The following MAGI2 variants were observed in gnomAD, a reference collection of about 807,000 sequenced individuals.
The protein encoded by MAGI2 is membrane-associated guanylate kinase, WW and PDZ domain-containing protein 2.
Under a neutral mutation model 133.3 loss-of-function variants are expected in MAGI2, and 35 were observed. That is an observed-to-expected ratio of 0.26 (90% CI 0.20 to 0.35). MAGI2 has a LOEUF of 0.35. Ranked by LOEUF, MAGI2 falls within the 10% of genes least tolerant of loss-of-function variation. MAGI2 has a pLI of 1.00. For missense variants in MAGI2, 1,636 were observed against 1,863.4 expected (o/e 0.88, Z 2.25); for synonymous variants, 729 against 710.6 (o/e 1.03, Z -0.41).
At chr7:79,117,423 C>CA (rs1293512138) in intron 1 of MAGI2, among the ~76,000 whole-genome samples, 1 of 152,088 alleles carries the variant, frequency 6.6e-6, no homozygotes, top group Non-Finnish European at 1.5e-5. Flanking sequence ...GGCATGTGAT[C>CA]AAAATCATAA....
intron 6 of MAGI2, among the ~76,000 whole-genome samples, chr7:78,467,692 T>C (rs952538099): frequency 7.2e-5 from 11 of 152,034 alleles, no homozygotes; most frequent in African/African-American, 2.7e-4. Flanking sequence ...TGAGCTGATA[T>C]TTGAAAAAAC....
At chr7:78,842,061 A>C (rs561069001) in intron 2 of MAGI2, among the ~76,000 whole-genome samples, 73 of 152,126 alleles carry the variant, frequency 4.8e-4, no homozygotes, top group African/African-American at 1.7e-3. Context: ...AAAATCATTC[A>C]GGCATTCAAC....
intron 1 of MAGI2, among the ~76,000 whole-genome samples, chr7:79,398,744 T>TA (rs1441307160): frequency 6.6e-6 from 1 of 152,220 alleles, no homozygotes; most frequent in Non-Finnish European, 1.5e-5. Flanking sequence ...TTAGTTCATT[T>TA]AAACTGTCAA....
chr7:79,289,502 C>G (rs1324434958), intron 1 of MAGI2, among the ~76,000 whole-genome samples: 1 of 152,124 alleles, frequency 6.6e-6, no homozygotes, highest in Admixed American at 6.6e-5. Context: ...ACAGATGAGG[C>G]ACTCATACAA....
intron 16 of MAGI2, among the ~76,000 whole-genome samples, chr7:78,139,113 A>G (rs1053569926): frequency 6.6e-6 from 1 of 152,248 alleles, no homozygotes; most frequent in Non-Finnish European, 1.5e-5. Flanking sequence ...AAAAGAATGA[A>G]AACTGAAATA....
intron 1 of MAGI2, chr7:79,353,456 A>G: frequency 2.2e-6 from 1 of 456,212 alleles, no homozygotes; most frequent in Non-Finnish European, 4.4e-6. Flanking sequence ...TTGGAACCCC[A>G]GGACAATCCT....
At chr7:78,653,181 T>C (rs1330725604) in intron 2 of MAGI2, among the ~76,000 whole-genome samples, 11 of 152,142 alleles carry the variant, frequency 7.2e-5, no homozygotes, top group African/African-American at 2.4e-4. Context: ...TTTTACACTG[T>C]TGGTGGGAGT....
At chr7:78,162,653 T>C (rs1488746439) in intron 15 of MAGI2, among the ~76,000 whole-genome samples, 21 of 152,176 alleles carry the variant, frequency 1.4e-4, no homozygotes, top group Admixed American at 1.4e-3. Flanking sequence ...GAGGATTCCC[T>C]GGGTAAGTCA....
chr7:78,595,365 A>G (rs966336894), intron 3 of MAGI2, among the ~76,000 whole-genome samples: 1 of 152,210 alleles, frequency 6.6e-6, no homozygotes, highest in African/African-American at 2.4e-5. Context: ...AATTAGGTTC[A>G]AGAAATTGTA....
intron 10 of MAGI2, among the ~76,000 whole-genome samples, chr7:78,202,921 GT>G (rs1165087173): frequency 2.6e-5 from 4 of 152,116 alleles, no homozygotes; most frequent in Non-Finnish European, 4.4e-5. Flanking sequence ...TTTGGAAAGA[GT>G]TGACAGTAAA....
intron 2 of MAGI2, among the ~76,000 whole-genome samples, chr7:78,960,467 T>G (rs893031738): frequency 6.6e-6 from 1 of 152,054 alleles, no homozygotes; most frequent in Non-Finnish European, 1.5e-5. Flanking sequence ...TTCTACTCCC[T>G]AAGGAGTGAG....
At chr7:78,567,638 C>T (rs1232868787) in intron 3 of MAGI2, among the ~76,000 whole-genome samples, 1 of 152,116 alleles carries the variant, frequency 6.6e-6, no homozygotes, top group Non-Finnish European at 1.5e-5. Flanking sequence ...CTCTCTCTCC[C>T]CTACTCAATA....
chr7:78,597,252 C>A (rs938140126), intron 3 of MAGI2, among the ~76,000 whole-genome samples: 2 of 151,880 alleles, frequency 1.3e-5, no homozygotes, highest in Non-Finnish European at 2.9e-5. Flanking sequence ...TGAGCATATT[C>A]CAATTTGAGA....
At chr7:79,136,330 G>T (rs1821571140) in intron 1 of MAGI2, among the ~76,000 whole-genome samples, 1 of 152,164 alleles carries the variant, frequency 6.6e-6, no homozygotes, top group South Asian at 2.1e-4. Context: ...TTCTGTCTTT[G>T]ATACACTGGG....
chr7:79,157,972 G>GTGTGTC lies in MAGI2; in HGVS notation c.302-150767_302-150766insGACACA, dbSNP rs1384745090. Among the ~76,000 whole-genome samples, 472 of 145,952 alleles carry GTGTGTC rather than the reference G, an allele frequency of 3.2e-3. 2 individuals carry two copies. The highest frequency in any genetic ancestry group is 9.7e-3 in the African/African-American group (384 of 39,430). Reference sequence around the variant, plus strand: ...TGTGTGTGTGTGTGTGTGTGTGTGTGTGTGTATTTAAAAGACCTTTATAAA... The same window carrying GTGTGTC: ...TGTGTGTGTGTGTGTGTGTGTGTGTGTGTGTCTGTGTATTTAAAAGACCTTTATAAA... On this transcript the variant is annotated intron_variant, in intron 1 of 21. Transcript: ENST00000354212.
chr7:79,268,903 T>C (rs1834668737), intron 1 of MAGI2, among the ~76,000 whole-genome samples: 1 of 152,182 alleles, frequency 6.6e-6, no homozygotes, highest in Non-Finnish European at 1.5e-5. Flanking sequence ...ATTAGCCCTA[T>C]TAGCTCCCAG....
At chr7:78,258,144 C>T (rs1010047897) in intron 9 of MAGI2, among the ~76,000 whole-genome samples, 1 of 152,186 alleles carries the variant, frequency 6.6e-6, no homozygotes, top group African/African-American at 2.4e-5. Context: ...GATGGAACTT[C>T]ACTTTTCCAT....
At position 78,704,995 on chromosome 7, in the gene MAGI2, C is replaced by T. The variant is rs1364116492; in HGVS notation, c.419-77756G>A. ...AAGAAGGGAACAACAGACACTGGGG[C>T]CTACTTGAGGGTAGAGGGTGAGCGG... On this transcript the variant is annotated intron_variant, in intron 2 of 21. Coordinates refer to ENST00000354212, the MANE Select transcript of MAGI2 (RefSeq NM_012301.4). Among the ~76,000 whole-genome samples, 5 of 151,864 alleles carry T rather than the reference C, an allele frequency of 3.3e-5. No homozygotes were observed. The East Asian group carries it at 9.7e-4, about 29-fold the overall frequency.
At chr7:78,211,708 T>C (rs895528510) in intron 10 of MAGI2, among the ~76,000 whole-genome samples, 8 of 152,252 alleles carry the variant, frequency 5.3e-5, no homozygotes, top group Non-Finnish European at 1.0e-4. Flanking sequence ...TCAAATTCTA[T>C]TTCTACAAAG....
Sources: gnomAD v4.1 joint callset for allele counts (sites outside exome capture counted in the v4.1 genomes callset) on GRCh38, gnomAD v4.1.1 for gene constraint, MANE v1.5 for transcripts, NCBI Gene and HGNC (gene_info 2026-07-23, HGNC 2026-07-21) for gene names.